HS6ST1: variants seen among roughly 807,000 people sequenced by gnomAD.
The protein encoded by HS6ST1 is heparan sulfate 6-O-sulfotransferase 1.
In HS6ST1, 3 loss-of-function variants were observed where a neutral mutation model predicts 25.2. The observed-to-expected ratio is 0.12, with a 90% CI of 0.05 to 0.31. The LOEUF is 0.31. HS6ST1 is among the 10% of genes least tolerant of loss of function. The probability of loss-of-function intolerance (pLI) is 1.00; values close to 1 mark genes in which losing one functional copy is unlikely to be tolerated. For missense variants in HS6ST1, 310 were observed against 609.6 expected (o/e 0.51, Z 5.18); for synonymous variants, 204 against 275.1 (o/e 0.74, Z 2.56).
In HS6ST1 at chr2:128,268,530, A is replaced by G. The variant is rs1489607798; in HGVS notation, c.868T>C (p.Phe290Leu). ...SAKKNLRGMAFFGLTEFQRKT... is the reference protein window; with the variant it reads ...SAKKNLRGMALFGLTEFQRKT... ...CGCTGGAACTCGGTCAGGCCGAAGA[A>G]GGCCATGCCCCGCAGGTTCTTCTTG... Residue 290 changes from phenylalanine (F) to leucine (L), a missense_variant, in exon 2 of 2, where the codon TTC becomes CTC. By Grantham distance (22) the Phe-to-Leu change is conservative. Coordinates refer to ENST00000259241, the MANE Select transcript of HS6ST1 (RefSeq NM_004807.3). 6.2e-7 allele frequency: 1 copy of G among 1,604,084 alleles called. No individual in the cohort carries two copies. Among genetic ancestry groups the G allele is most frequent in the Non-Finnish European group, 8.5e-7 (1 of 1,175,254 alleles).
In HS6ST1 at chr2:128,318,011, G is replaced by A; in HGVS notation, c.527+26C>T. 6.9e-7 allele frequency: 1 copy of A among 1,439,966 alleles called. No homozygotes were observed. The highest frequency in any genetic ancestry group is 9.0e-7 in the Non-Finnish European group (1 of 1,109,712). The allele number at this position is 1,439,966 out of a possible 1,614,324, so 89.2% of individuals were successfully genotyped here. A position where few individuals can be genotyped will look rare whatever the true frequency, so the allele number is the denominator to read the frequency against. On this transcript the variant is annotated intron_variant, in intron 1 of 1. Coordinates refer to ENST00000259241, the MANE Select transcript of HS6ST1 (RefSeq NM_004807.3). The surrounding 1 kb of genome is among the most constrained non-coding windows in gnomAD (Gnocchi z 5.7). ...CCCGGCCTCGGGGGCGCAGCTGCGCGAGGATCCCGCCGCCCGGGCGCTCAC... is the reference window on the plus strand; with the variant it reads ...CCCGGCCTCGGGGGCGCAGCTGCGCAAGGATCCCGCCGCCCGGGCGCTCAC...
intron 1 of HS6ST1, among the ~76,000 whole-genome samples, chr2:128,308,071 G>A (rs1252480835): frequency 6.6e-6 from 1 of 152,218 alleles, no homozygotes. Context: ...TAAGGGTTCT[G>A]GAAAGTTAGT....
intron 1 of HS6ST1, among the ~76,000 whole-genome samples, chr2:128,302,106 T>G (rs1694139355): frequency 6.6e-6 from 1 of 152,154 alleles, no homozygotes; most frequent in African/African-American, 2.4e-5. Flanking sequence ...CACTGCTCAG[T>G]GTGACCAGAG....
chr2:128,271,496 T>C (rs1693609151), intron 1 of HS6ST1, among the ~76,000 whole-genome samples: 1 of 152,166 alleles, frequency 6.6e-6, no homozygotes, highest in African/African-American at 2.4e-5. Flanking sequence ...AGCCTGTTCC[T>C]GGACAAGGGC....
chr2:128,284,524 C>T (rs1352516250), intron 1 of HS6ST1, among the ~76,000 whole-genome samples: 5 of 30,306 alleles, frequency 1.6e-4, no homozygotes, highest in Non-Finnish European at 3.3e-4. Flanking sequence ...TTTTTTGAGA[C>T]GGAGTCTTGC....
At chr2:128,303,356 T>C (rs1694160878) in intron 1 of HS6ST1, among the ~76,000 whole-genome samples, 1 of 152,222 alleles carries the variant, frequency 6.6e-6, no homozygotes, top group South Asian at 2.1e-4. Context: ...ACAACACCCA[T>C]GGGGCCACCC....
At chr2:128,273,859 C>T (rs1050692907) in intron 1 of HS6ST1, among the ~76,000 whole-genome samples, 3 of 152,310 alleles carry the variant, frequency 2.0e-5, no homozygotes, top group Non-Finnish European at 4.4e-5. Context: ...CCCCAAATGG[C>T]CCACCCCAGA....
intron 1 of HS6ST1, among the ~76,000 whole-genome samples, chr2:128,291,100 C>T (rs1232827696): frequency 6.6e-6 from 1 of 152,236 alleles, no homozygotes; most frequent in East Asian, 1.9e-4. Flanking sequence ...CAAAGATGTC[C>T]ACTCTCTCTA....
chr2:128,283,729 T>C (rs1428884760), intron 1 of HS6ST1, among the ~76,000 whole-genome samples: 1 of 152,142 alleles, frequency 6.6e-6, no homozygotes, highest in Non-Finnish European at 1.5e-5. Context: ...TGCTGGAGTG[T>C]GGGTCTACCC....
rs1254173247 is a variant in HS6ST1 at position 128,318,058 on chromosome 2, G to A, written c.506C>T (p.Ser169Phe). ...CVPGVLDRRD[S>F]AALRTPRKFY... The stretch of plus-strand genomic sequence containing the variant: ...TCACCTGGGCGTGCGCAGCGCGGCG[G>A]AGTCGCGGCGGTCCAGCACGCCGGG... The change falls in exon 1 of 2, where the codon TCC (serine) becomes TTC (phenylalanine). Residue 169 changes from serine to phenylalanine, a missense_variant. By Grantham distance (155) the Ser-to-Phe change is radical. Transcript: ENST00000259241. This position sits in a 1 kb window ranked among gnomAD's most constrained non-coding sequence, Gnocchi z 5.7. 2 of 1,522,626 alleles carry A rather than the reference G, an allele frequency of 1.3e-6. No individual in the cohort carries two copies. The highest frequency in any genetic ancestry group is 1.4e-5 in the African/African-American group (1 of 71,120). 94.3% of individuals were successfully genotyped at this position (1,522,626 alleles called of 1,614,324 possible).
chr2:128,307,094 T>G (rs2104934549), intron 1 of HS6ST1, among the ~76,000 whole-genome samples: 1 of 152,146 alleles, frequency 6.6e-6, no homozygotes, highest in Admixed American at 6.5e-5. Flanking sequence ...CGGTTTTAGT[T>G]GGGTTTCCTT....
intron 1 of HS6ST1, among the ~76,000 whole-genome samples, chr2:128,278,204 C>T (rs1394890437): frequency 1.3e-5 from 2 of 152,262 alleles, no homozygotes; most frequent in Admixed American, 6.5e-5. Context: ...GCCCATGGTG[C>T]CTGTCTCTCA....
intron 1 of HS6ST1, among the ~76,000 whole-genome samples, chr2:128,292,314 C>T (rs933646426): frequency 7.2e-5 from 11 of 152,354 alleles, no homozygotes; most frequent in African/African-American, 2.4e-4. Context: ...TGGCTTGGAG[C>T]GGCTTTAACT....
intron 1 of HS6ST1, among the ~76,000 whole-genome samples, chr2:128,270,346 G>T (rs969668220): frequency 3.3e-5 from 5 of 152,166 alleles, no homozygotes; most frequent in Admixed American, 3.3e-4. Context: ...GCAGGGGCGA[G>T]AGCAGGCCTC....
At chr2:128,289,122 C>T (rs1476600331) in intron 1 of HS6ST1, among the ~76,000 whole-genome samples, 1 of 152,162 alleles carries the variant, frequency 6.6e-6, no homozygotes, top group Non-Finnish European at 1.5e-5. Flanking sequence ...CAGCCCACCC[C>T]AGAGATAAGC....
chr2:128,283,982 T>G (rs1260643911), intron 1 of HS6ST1, among the ~76,000 whole-genome samples: 2 of 152,114 alleles, frequency 1.3e-5, no homozygotes, highest in Non-Finnish European at 2.9e-5. Context: ...GGAGGCTGGG[T>G]GGCCCTTTCA....
chr2:128,317,084 G>A (rs1209034538), intron 1 of HS6ST1, among the ~76,000 whole-genome samples: 4 of 152,226 alleles, frequency 2.6e-5, no homozygotes, highest in Non-Finnish European at 5.9e-5. Context: ...GGCCCCGCAG[G>A]GCATCCCTGC....
chr2:128,286,049 C>T lies in HS6ST1; in HGVS notation c.528-17179G>A, dbSNP rs1693855681. On this transcript the variant is annotated intron_variant, in intron 1 of 1. Transcript: ENST00000259241. ...AGCCCCAGGGACTGTCTCCATAAAA[C>T]TCGTAGACAGAAAGCCACTTCCCAG... is the stretch of plus-strand genomic sequence containing the variant. 3.9e-5 allele frequency among the ~76,000 whole-genome samples: 6 copies of T among 152,222 alleles called. No individual in the cohort carries two copies. The South Asian group carries it at 1.2e-3, about 32-fold the overall frequency.
chr2:128,266,117 C>T lies in HS6ST1; in HGVS notation c.*2045G>A, dbSNP rs1693508474. 6.6e-6 allele frequency: 1 copy of T among 151,786 alleles called. No individual in the cohort carries two copies. The highest frequency in any genetic ancestry group is 6.6e-5 in the Admixed American group (1 of 15,248). 9.4% of individuals were successfully genotyped at this position (151,786 alleles called of 1,614,324 possible). A position where few individuals can be genotyped will look rare whatever the true frequency, so the allele number is the denominator to read the frequency against. ...ATGTACAAAACAACCTGCGCTCAGG[C>T]CCGCGCACCCAGGAAGCCCATGGTG... is the stretch of plus-strand genomic sequence containing the variant. On this transcript the variant is annotated 3_prime_UTR_variant, in exon 2 of 2. Coordinates refer to ENST00000259241, the MANE Select transcript of HS6ST1 (RefSeq NM_004807.3).
Sources: gnomAD v4.1 joint callset for allele counts (sites outside exome capture counted in the v4.1 genomes callset) on GRCh38, gnomAD v4.1.1 for gene constraint, Gnocchi (gnomAD v3.1) non-coding constraint, MANE v1.5 for transcripts, NCBI Gene and HGNC (gene_info 2026-07-23, HGNC 2026-07-21) for gene names.